IL31RA: variants seen among roughly 807,000 people sequenced by gnomAD.
IL31RA encodes interleukin 31 receptor A, also known as interleukin-31 receptor subunit alpha.
A neutral mutation model predicts 83.7 loss-of-function variants in IL31RA; 66 were observed. That is an observed-to-expected ratio of 0.79 (90% CI 0.65 to 0.97). The LOEUF (loss-of-function observed/expected upper bound fraction) is 0.97. Ranked by LOEUF, IL31RA falls within the 50% of genes least tolerant of loss-of-function variation. The pLI, the probability that IL31RA is intolerant of heterozygous loss-of-function variation, is 0.00. For synonymous variants in IL31RA, 325 were observed against 329.0 expected, an observed-to-expected ratio of 0.99 and a Z score of 0.13; for missense variants, 798 against 919.4, an observed-to-expected ratio of 0.87 and a Z score of 1.71.
intron 8 of IL31RA, among the ~76,000 whole-genome samples, chr5:55,902,025 GT>G (rs1175429023): frequency 2.0e-5 from 3 of 151,802 alleles, no homozygotes; most frequent in Admixed American, 6.6e-5. Flanking sequence ...ATTCACTTAG[GT>G]TTTTTTTGGC....
intron 8 of IL31RA, chr5:55,902,208 A>C (rs1049837844): frequency 2.0e-5 from 3 of 152,200 alleles, no homozygotes; most frequent in South Asian, 2.1e-4. Flanking sequence ...TCTTTTGTGC[A>C]ACGGTGGCTA....
intron 6 of IL31RA, among the ~76,000 whole-genome samples, chr5:55,894,012 ATT>A (rs976639449): frequency 2.6e-5 from 4 of 152,018 alleles, no homozygotes; most frequent in African/African-American, 9.7e-5. Flanking sequence ...TTTCACTCAT[ATT>A]TCTAGTCAAG....
chr5:55,882,201 CCTT>C (rs1246026099), intron 4 of IL31RA, among the ~76,000 whole-genome samples: 12 of 152,230 alleles, frequency 7.9e-5, no homozygotes, highest in African/African-American at 2.6e-4. Context: ...CCTCTCCTGT[CCTT>C]CTCATGCCTG....
intron 6 of IL31RA, among the ~76,000 whole-genome samples, chr5:55,892,111 C>A (rs1195042391): frequency 6.6e-6 from 1 of 152,156 alleles, no homozygotes; most frequent in Non-Finnish European, 1.5e-5. Context: ...TTCAGCCTAA[C>A]AGTAAATGAA....
At chr5:55,852,597 G>A (rs78743759) in intron 1 of IL31RA, among the ~76,000 whole-genome samples, 113 of 152,338 alleles carry the variant, frequency 7.4e-4, no homozygotes, top group Non-Finnish European at 1.4e-3. Context: ...AAATTAAAAT[G>A]TGGGGCTGGA....
intron 5 of IL31RA, among the ~76,000 whole-genome samples, chr5:55,887,957 G>A (rs1747735816): frequency 6.6e-6 from 1 of 151,896 alleles, no homozygotes; most frequent in Non-Finnish European, 1.5e-5. Context: ...GGCTGAGGCA[G>A]GAGAATCGCT....
rs190386240 is a variant in IL31RA at position 55,886,995 on chromosome 5, G to A, written c.607-2975G>A. Among the ~76,000 whole-genome samples the A allele has an allele frequency of 1.4e-3, 208 of 152,214 alleles. 1 individual carries two copies. The Middle Eastern group carries it at 0.017, about 13-fold the overall frequency. Reference sequence around the variant, plus strand: ...TACACTGTAAATTCTTCAAATGCAGGGACCTTAGTTTTCATCTGTTTTCCC... The same window carrying A: ...TACACTGTAAATTCTTCAAATGCAGAGACCTTAGTTTTCATCTGTTTTCCC... On this transcript the variant is annotated intron_variant, in intron 5 of 14. Coordinates refer to ENST00000652347, the MANE Select transcript of IL31RA (RefSeq NM_139017.7).
chr5:55,886,067 C>T (rs1400308667), intron 5 of IL31RA, among the ~76,000 whole-genome samples: 2 of 152,074 alleles, frequency 1.3e-5, no homozygotes, highest in African/African-American at 4.8e-5. Flanking sequence ...GTGAGGGCAA[C>T]GGGTATAAAC....
intron 5 of IL31RA, among the ~76,000 whole-genome samples, chr5:55,887,598 C>T (rs973443982): frequency 2.7e-5 from 4 of 150,618 alleles, no homozygotes; most frequent in Non-Finnish European, 5.9e-5. Flanking sequence ...AAAAATTAGC[C>T]GGGAATGGCC....
At position 55,917,248 on chromosome 5, in the gene IL31RA, C is replaced by T. The variant is rs1749845082; in HGVS notation, c.*128C>T. The T allele has an allele frequency of 6.3e-7, 1 of 1,581,996 alleles. No homozygotes were observed. The highest frequency in any genetic ancestry group is 1.7e-5 in the Admixed American group (1 of 57,916). ...CTGCCTAGGTTAAAGTTTCCCCTGC[C>T]CCTTGAGCTGCCAGTTGAACTTGGT... On this transcript the variant is annotated 3_prime_UTR_variant, in exon 15 of 15. Transcript: ENST00000652347.
rs866586070 is a variant in IL31RA at position 55,897,015 on chromosome 5, A to T, written c.852+586A>T. 4.7e-3 allele frequency among the ~76,000 whole-genome samples: 4 copies of T among 844 alleles called. 1 individual carries two copies. The highest frequency in any genetic ancestry group is 0.011 in the African/African-American group (1 of 90). The allele number at this position is 844 out of a possible 152,430, so 0.6% of individuals were successfully genotyped here. A position where few individuals can be genotyped will look rare whatever the true frequency, so the allele number is the denominator to read the frequency against. ...AAAAAAAAAAAATATATATATATAT[A>T]TTTTTTTTTTTTTTGGTTGAGGCTG... On this transcript the variant is annotated intron_variant, in intron 7 of 14. Coordinates refer to ENST00000652347, the MANE Select transcript of IL31RA (RefSeq NM_139017.7).
In IL31RA at chr5:55,895,248, C is replaced by T. The variant is rs534176957; in HGVS notation, c.773-1102C>T. On this transcript the variant is annotated intron_variant, in intron 6 of 14. Coordinates refer to ENST00000652347, the MANE Select transcript of IL31RA (RefSeq NM_139017.7). Reference sequence around the variant, plus strand: ...CTTCTCCAAATCGTGGGCCGCTAGCCGTCTCGACATTTGTTTAGAACTCTC... The same window carrying T: ...CTTCTCCAAATCGTGGGCCGCTAGCTGTCTCGACATTTGTTTAGAACTCTC... Among the ~76,000 whole-genome samples the T allele has an allele frequency of 2.6e-5, 4 of 152,266 alleles. No individual in the cohort carries two copies. The East Asian group carries it at 5.8e-4, about 22-fold the overall frequency.
intron 7 of IL31RA, 87 bp downstream of exon 7, chr5:55,896,516 T>A: frequency 1.4e-6 from 1 of 725,694 alleles, no homozygotes; most frequent in African/African-American, 2.8e-5. Flanking sequence ...CTTCCATCCC[T>A]TCCATCCTCC....
At chr5:55,899,180 A>G (rs138848554) in intron 7 of IL31RA, among the ~76,000 whole-genome samples, 111 of 152,310 alleles carry the variant, frequency 7.3e-4, no homozygotes, top group Admixed American at 3.1e-3. Flanking sequence ...AGTGCCTGCT[A>G]AAGTCCCACT....
intron 2 of IL31RA, among the ~76,000 whole-genome samples, chr5:55,860,942 T>C (rs1197987200): frequency 1.3e-5 from 2 of 152,176 alleles, no homozygotes; most frequent in Admixed American, 1.3e-4. Flanking sequence ...TTGCTGCCTC[T>C]TCACATGGTC....
chr5:55,914,828 A>C lies in IL31RA; in HGVS notation c.1737-19A>C, dbSNP rs1749693298. ...CTTCTTGGATTCAATTCCCATCTTA[A>C]AATCTTCTCTCTCATTAGCAAATTG... On this transcript the variant is annotated intron_variant, in intron 13 of 14. Coordinates refer to ENST00000652347, the MANE Select transcript of IL31RA (RefSeq NM_139017.7). 1.3e-6 allele frequency: 2 copies of C among 1,581,386 alleles called. No homozygotes were observed. Among genetic ancestry groups the C allele is most frequent in the African/African-American group, 2.7e-5 (2 of 74,344 alleles).
chr5:55,918,653 G>A lies in IL31RA; in HGVS notation c.*1533G>A, dbSNP rs952515497. Among the ~76,000 whole-genome samples, 6 of 152,110 alleles carry A rather than the reference G, an allele frequency of 3.9e-5. No individual in the cohort carries two copies. The highest frequency in any genetic ancestry group is 8.8e-5 in the Non-Finnish European group (6 of 68,026). ...CGGCCGTGTTTTTGTCTCTGGCCTC[G>A]TGTGTTTACTATGGTCCCTCCTGTC... On this transcript the variant is annotated 3_prime_UTR_variant, in exon 15 of 15. Transcript: ENST00000652347.
chr5:55,887,749 T>G (rs1212241402), intron 5 of IL31RA, among the ~76,000 whole-genome samples: 1 of 151,740 alleles, frequency 6.6e-6, no homozygotes, highest in Admixed American at 6.6e-5. Context: ...GCCGGGCGTG[T>G]TGGCAGGCAC....
rs930484572 is a variant in IL31RA at position 55,922,178 on chromosome 5, T to G, written c.*5058T>G. On this transcript the variant is annotated 3_prime_UTR_variant, in exon 15 of 15. Coordinates refer to ENST00000652347, the MANE Select transcript of IL31RA (RefSeq NM_139017.7). ...CCGAAGCACAAACAGCTCCAATCCATGCTGGAAGAGACCCCAGGCCACAAT... is the reference window on the plus strand; with the variant it reads ...CCGAAGCACAAACAGCTCCAATCCAGGCTGGAAGAGACCCCAGGCCACAAT... Among the ~76,000 whole-genome samples, 3 of 150,990 alleles carry G rather than the reference T, an allele frequency of 2.0e-5. No individual in the cohort carries two copies. The highest frequency in any genetic ancestry group is 4.4e-5 in the Non-Finnish European group (3 of 67,894).
Sources: gnomAD v4.1 joint callset for allele counts (sites outside exome capture counted in the v4.1 genomes callset) on GRCh38, gnomAD v4.1.1 for gene constraint, MANE v1.5 for transcripts, NCBI Gene and HGNC (gene_info 2026-07-23, HGNC 2026-07-21) for gene names.